KANSL1: variants seen among roughly 807,000 people sequenced by gnomAD.
The protein encoded by KANSL1 is KAT8 regulatory NSL complex subunit 1.
Under a neutral mutation model 103.6 loss-of-function variants are expected in KANSL1, and 22 were observed. That is an observed-to-expected ratio of 0.21 (90% CI 0.15 to 0.30). The LOEUF is 0.30. Ranked by LOEUF, KANSL1 falls within the 10% of genes least tolerant of loss-of-function variation. The pLI, the probability that KANSL1 is intolerant of heterozygous loss-of-function variation, is 1.00. For synonymous variants in KANSL1, 600 were observed against 527.6 expected (o/e 1.14, Z -1.88); for missense variants, 1,337 against 1,399.8 (o/e 0.96, Z 0.72).
chr17:46,148,461 G>C (rs1049742521), intron 2 of KANSL1, among the ~76,000 whole-genome samples: 6 of 152,114 alleles, frequency 3.9e-5, no homozygotes. Context: ...AACAGGAAAC[G>C]TTCCTATCTC....
At chr17:46,186,272 A>G (rs1002600012) in intron 1 of KANSL1, among the ~76,000 whole-genome samples, 2 of 151,574 alleles carry the variant, frequency 1.3e-5, no homozygotes, top group East Asian at 3.9e-4. Context: ...AGTTCCAGCT[A>G]CTCGGGAGGC....
intron 1 of KANSL1, among the ~76,000 whole-genome samples, chr17:46,177,366 C>T (rs1211856752): frequency 2.0e-5 from 3 of 152,228 alleles, no homozygotes; most frequent in African/African-American, 7.2e-5. Flanking sequence ...AAACCACCAC[C>T]TAAGTTTAGT....
At chr17:46,078,202 T>C (rs1369599178) in intron 4 of KANSL1, among the ~76,000 whole-genome samples, 1 of 152,212 alleles carries the variant, frequency 6.6e-6, no homozygotes, top group Non-Finnish European at 1.5e-5. Flanking sequence ...AATGCCTTCG[T>C]CCTGGGAAAC....
At chr17:46,198,422 TAAAAAAAAAA>T (rs58312564), upstream of KANSL1, among the ~76,000 whole-genome samples, 70 of 96,108 alleles carry the variant, frequency 7.3e-4, no homozygotes, top group Non-Finnish European at 4.4e-4. Flanking sequence ...CTACTTTAAT[TAAAAAAAAAA>T]AAAAAAAAAA....
At chr17:46,183,854 A>G (rs141754445) in intron 1 of KANSL1, among the ~76,000 whole-genome samples, 2 of 152,212 alleles carry the variant, frequency 1.3e-5, no homozygotes, top group African/African-American at 4.8e-5. Flanking sequence ...CAGCGGCTGC[A>G]GTGAGCTGAG....
rs529057165 is a variant in KANSL1, at chr17:46,053,923, AAAC to A, written c.1849-3222_1849-3220del. On this transcript the variant is annotated intron_variant, in intron 6 of 14. Transcript: ENST00000432791. ...TCTGCATGAATTCATTTAAGTTAAA[AAAC>A]AACAAGAACACATACAATATTGTGT... is the stretch of plus-strand genomic sequence containing the variant. Among the ~76,000 whole-genome samples, 94 of 152,358 alleles carry A rather than the reference AAAC, an allele frequency of 6.2e-4. 1 individual carries two copies. The Middle Eastern group carries it at 0.014, about 22-fold the overall frequency.
intron 2 of KANSL1, among the ~76,000 whole-genome samples, chr17:46,102,447 G>C (rs1425998246): frequency 6.6e-6 from 1 of 152,036 alleles, no homozygotes; most frequent in Non-Finnish European, 1.5e-5. Context: ...ATGGGGTTTT[G>C]CCGTGTTGGC....
At position 46,031,581 on chromosome 17, in the gene KANSL1, C is replaced by G. The variant is rs1404453565; in HGVS notation, c.3213G>C (p.Lys1071Asn). 2 of 1,614,150 alleles carry G rather than the reference C, an allele frequency of 1.2e-6. No individual in the cohort carries two copies. The highest frequency in any genetic ancestry group is 2.2e-5 in the South Asian group (2 of 91,082). Reference protein sequence around the residue: ...ARCTRRTSGSKTGRETEAAPT... With the variant: ...ARCTRRTSGSNTGRETEAAPT... ...GCGCTGCCTCTGTCTCCCGGCCAGTCTTGCTGCCTGAGGTGCGTCGAGTGC... is the reference window on the plus strand; with the variant it reads ...GCGCTGCCTCTGTCTCCCGGCCAGTGTTGCTGCCTGAGGTGCGTCGAGTGC... The change falls in exon 15 of 15, where the codon AAG becomes AAC. Residue 1071 changes from lysine to asparagine, a missense_variant. By Grantham distance (94) the Lys-to-Asn change is moderately conservative. Coordinates refer to ENST00000432791, the MANE Select transcript of KANSL1 (RefSeq NM_015443.4).
intron 6 of KANSL1, among the ~76,000 whole-genome samples, chr17:46,062,150 T>C (rs1301921083): frequency 6.9e-6 from 1 of 144,798 alleles, no homozygotes; most frequent in African/African-American, 2.5e-5. Flanking sequence ...TACAGCAGAT[T>C]TACCTCCCCC....
rs539515533 is a variant in KANSL1, at chr17:46,125,393, A to G, written c.1290-30692T>C. ...ATGCAATAGGAAACAGAAAAAGCCC[A>G]TGTCTCTCACTTTAGTGTGATATTC... On this transcript the variant is annotated intron_variant, in intron 2 of 14. Transcript: ENST00000432791. 1.9e-3 allele frequency among the ~76,000 whole-genome samples: 288 copies of G among 152,324 alleles called. 1 individual carries two copies. The highest frequency in any genetic ancestry group is 3.4e-3 in the Middle Eastern group (1 of 294).
Position 46,067,586 on chromosome 17 carries a change from A to G in KANSL1, c.1615T>C (p.Cys539Arg), listed in dbSNP as rs745919501. 9 of 1,608,176 alleles carry G rather than the reference A, an allele frequency of 5.6e-6. No homozygotes were observed. The highest frequency in any genetic ancestry group is 5.0e-5 in the Admixed American group (3 of 59,996). ...CCATTGACAGGTCTGAGTGCTCCAC[A>G]TGATTTGGTAGACAGTGACTCTGAA... Reference protein sequence around the residue: ...HISESLSTKSCGALRPVNGVI... With the variant: ...HISESLSTKSRGALRPVNGVI... Residue 539 changes from cysteine (C) to arginine (R), a missense_variant, in exon 5 of 15, where the codon TGT becomes CGT. Transcript: ENST00000432791.
chr17:46,200,060 CACA>C (rs2047744745), intron 1 of KANSL1, among the ~76,000 whole-genome samples: 1 of 151,952 alleles, frequency 6.6e-6, no homozygotes, highest in Non-Finnish European at 1.5e-5. Context: ...CACACACACA[CACA>C]CACCCTGATT....
chr17:46,184,351 T>C (rs746699878), intron 1 of KANSL1, among the ~76,000 whole-genome samples: 8 of 152,224 alleles, frequency 5.3e-5, no homozygotes, highest in Non-Finnish European at 1.0e-4. Flanking sequence ...TTATGTACTA[T>C]AGTAATTCAG....
chr17:46,206,621 G>C (rs2047978402), intron 1 of KANSL1, among the ~76,000 whole-genome samples: 1 of 152,210 alleles, frequency 6.6e-6, no homozygotes, highest in Non-Finnish European at 1.5e-5. Context: ...ATATTCACAT[G>C]CAGTAGAATG....
intron 4 of KANSL1, among the ~76,000 whole-genome samples, chr17:46,076,037 G>A (rs2078754757): frequency 6.6e-6 from 1 of 152,206 alleles, no homozygotes; most frequent in South Asian, 2.1e-4. Context: ...CAGACACAAA[G>A]TGCAGTCTGG....
At chr17:46,198,577 C>T (rs987447635), upstream of KANSL1, among the ~76,000 whole-genome samples, 4 of 152,022 alleles carry the variant, frequency 2.6e-5, no homozygotes, top group African/African-American at 9.7e-5. Flanking sequence ...ACTAAAAATA[C>T]AAAAATTAGC....
chr17:46,136,431 C>T (rs745536060), intron 2 of KANSL1, among the ~76,000 whole-genome samples: 20 of 152,312 alleles, frequency 1.3e-4, no homozygotes, highest in Non-Finnish European at 2.5e-4. Context: ...CGGACCATAT[C>T]GTTACCCTCT....
At chr17:46,105,929 ACACACACACACACACACACCCCC>A (rs1567680629) in intron 2 of KANSL1, among the ~76,000 whole-genome samples, 2,003 of 104,862 alleles carry the variant, frequency 0.019, 42 homozygotes, top group Middle Eastern at 0.046. Flanking sequence ...ACACACACAC[ACACACACACACACACACACCCCC>A]CCAGAAGGGT....
At chr17:46,039,929 C>T (rs977973050) in intron 7 of KANSL1, 45 bp from the exon 8 acceptor site, 1 of 1,574,072 alleles carries the variant, frequency 6.4e-7, no homozygotes, top group African/African-American at 1.4e-5. Context: ...AACACCTGGC[C>T]TCTCTAGTGT....
Sources: gnomAD v4.1 joint callset for allele counts (sites outside exome capture counted in the v4.1 genomes callset) on GRCh38, gnomAD v4.1.1 for gene constraint, MANE v1.5 for transcripts, NCBI Gene and HGNC (gene_info 2026-07-23, HGNC 2026-07-21) for gene names.